The following DNAH14 variants were observed in gnomAD, a reference collection of about 807,000 sequenced individuals.
DNAH14 encodes dynein axonemal heavy chain 14.
Under a neutral mutation model 520.9 loss-of-function variants are expected in DNAH14, and 478 were observed. That is an observed-to-expected ratio of 0.92 (90% confidence interval 0.85 to 0.99). DNAH14 has a LOEUF of 0.99. Ranked by LOEUF, DNAH14 falls within the 50% of genes least tolerant of loss-of-function variation. The probability of loss-of-function intolerance (pLI) is 0.00; values close to 1 mark genes in which losing one functional copy is unlikely to be tolerated. For missense variants in DNAH14, 4,831 were observed against 5,234.5 expected, an observed-to-expected ratio of 0.92 and a Z score of 2.38; for synonymous variants, 1,581 against 1,757.2, an observed-to-expected ratio of 0.90 and a Z score of 2.51.
rs1378688845 is a variant in DNAH14 at position 225,024,294 on chromosome 1, A to T, written c.1358+429A>T. The T allele has an allele frequency of 4.1e-6, 4 of 974,100 alleles. No individual in the cohort carries two copies. In the African/African-American group the frequency reaches 7.0e-5, roughly 17 times the overall value. 60.3% of individuals were successfully genotyped at this position (974,100 alleles called of 1,614,324 possible). A position where few individuals can be genotyped will look rare whatever the true frequency, so the allele number is the denominator to read the frequency against. On this transcript the variant is annotated intron_variant, in intron 11 of 85. Coordinates refer to ENST00000682510, the MANE Select transcript of DNAH14 (RefSeq NM_001367479.1). Reference sequence around the variant, plus strand: ...GGAAGGAGCTACAAAGTCCAATTGGAATTTGAGTCAATTCCAAGAAATATC... The same window carrying T: ...GGAAGGAGCTACAAAGTCCAATTGGTATTTGAGTCAATTCCAAGAAATATC...
At chr1:225,140,002 T>G (rs546721655) in intron 27 of DNAH14, among the ~76,000 whole-genome samples, 1 of 152,374 alleles carries the variant, frequency 6.6e-6, no homozygotes, top group East Asian at 1.9e-4. Context: ...AACAAGTTTC[T>G]CATCCTGTAT....
intron 41 of DNAH14, among the ~76,000 whole-genome samples, chr1:225,222,845 A>T (rs1161076172): frequency 2.0e-5 from 3 of 152,178 alleles, no homozygotes; most frequent in African/African-American, 7.2e-5. Flanking sequence ...GGTTCCCAGA[A>T]GAGGGTACAC....
chr1:224,991,497 A>T (rs1460824562), intron 8 of DNAH14, among the ~76,000 whole-genome samples: 1 of 150,876 alleles, frequency 6.6e-6, no homozygotes, highest in African/African-American at 2.4e-5. Flanking sequence ...TATTTTTGAG[A>T]TGGAGTCTTG....
At chr1:225,154,938 A>AT (rs1436391242) in intron 34 of DNAH14, among the ~76,000 whole-genome samples, 4 of 152,066 alleles carry the variant, frequency 2.6e-5, no homozygotes, top group Non-Finnish European at 5.9e-5. Context: ...TTTTCTAGAC[A>AT]TTTGGGGAAA....
chr1:225,221,026 A>C (rs2090003392), intron 41 of DNAH14, among the ~76,000 whole-genome samples: 1 of 152,204 alleles, frequency 6.6e-6, no homozygotes, highest in Non-Finnish European at 1.5e-5. Flanking sequence ...CTGATCTTCG[A>C]GAAACTTGAC....
At chr1:225,312,506 C>CAT (rs2094388749) in intron 60 of DNAH14, among the ~76,000 whole-genome samples, 3 of 152,274 alleles carry the variant, frequency 2.0e-5, no homozygotes, top group African/African-American at 7.2e-5. Flanking sequence ...TGAGAGAAGG[C>CAT]ATCCTTGTCT....
chr1:225,160,993 A>C (rs2081459038), intron 35 of DNAH14, among the ~76,000 whole-genome samples: 1 of 152,150 alleles, frequency 6.6e-6, no homozygotes, highest in African/African-American at 2.4e-5. Flanking sequence ...TAAGCTTATA[A>C]GATTTTCAAA....
intron 9 of DNAH14, among the ~76,000 whole-genome samples, chr1:225,006,875 C>T (rs1412214409): frequency 2.0e-5 from 3 of 152,134 alleles, no homozygotes; most frequent in Non-Finnish European, 2.9e-5. Flanking sequence ...GCTGGTTTTG[C>T]GGCTCGGGGG....
chr1:225,029,720 G>T (rs1337214940), intron 11 of DNAH14, among the ~76,000 whole-genome samples: 1 of 151,932 alleles, frequency 6.6e-6, no homozygotes, highest in Non-Finnish European at 1.5e-5. Context: ...AAGAAGAAAG[G>T]GTGGTCAAGT....
At chr1:224,942,380 C>T (rs2059481849) in intron 1 of DNAH14, among the ~76,000 whole-genome samples, 1 of 152,172 alleles carries the variant, frequency 6.6e-6, no homozygotes, top group Non-Finnish European at 1.5e-5. Flanking sequence ...GCTGAAGTTG[C>T]CTATCAGCTT....
chr1:225,081,212 A>G (rs1336507578), intron 19 of DNAH14, among the ~76,000 whole-genome samples: 1 of 152,208 alleles, frequency 6.6e-6, no homozygotes, highest in African/African-American at 2.4e-5. Context: ...TATAAGATCA[A>G]ATCCTTTCCA....
At chr1:225,219,375 A>C (rs972915079) in intron 41 of DNAH14, among the ~76,000 whole-genome samples, 12 of 151,110 alleles carry the variant, frequency 7.9e-5, no homozygotes, top group Non-Finnish European at 5.9e-5. Context: ...CAGTGAATCC[A>C]GGAGCTGGTT....
rs898080308 is a variant in DNAH14, at chr1:225,023,608, A to G, written c.1108-7A>G. The G allele has an allele frequency of 2.7e-6, 4 of 1,505,290 alleles. No individual in the cohort carries two copies. The African/African-American group carries it at 5.6e-5, about 21-fold the overall frequency. The allele number at this position is 1,505,290 out of a possible 1,614,324, so 93.2% of individuals were successfully genotyped here. ...TACTTGTTTCTCAATTGTTTTTTAA[A>G]TTGTAGGTTGCAGAAAAGAATGAAA... On this transcript the variant is annotated splice_polypyrimidine_tract_variant and splice_region_variant and intron_variant, in intron 10 of 85. Coordinates refer to ENST00000682510, the MANE Select transcript of DNAH14 (RefSeq NM_001367479.1).
At chr1:225,171,192 A>G (rs1211083070) in intron 36 of DNAH14, among the ~76,000 whole-genome samples, 3 of 152,330 alleles carry the variant, frequency 2.0e-5, no homozygotes, top group African/African-American at 4.8e-5. Flanking sequence ...TGACACCCTA[A>G]CATCACAATT....
At chr1:225,129,844 T>TGCACA (rs1204943071) in intron 27 of DNAH14, among the ~76,000 whole-genome samples, 2 of 151,286 alleles carry the variant, frequency 1.3e-5, no homozygotes, top group African/African-American at 2.4e-5. Flanking sequence ...AAAGAGCTTC[T>TGCACA]GCACAGCAAA....
intron 9 of DNAH14, among the ~76,000 whole-genome samples, chr1:225,003,621 G>T (rs986286728): frequency 1.3e-5 from 2 of 152,050 alleles, no homozygotes; most frequent in Non-Finnish European, 2.9e-5. Context: ...AATTGATTAT[G>T]TGTAATGACA....
chr1:225,353,174 T>C (rs1010136307), intron 72 of DNAH14, among the ~76,000 whole-genome samples: 1 of 151,966 alleles, frequency 6.6e-6, no homozygotes, highest in Non-Finnish European at 1.5e-5. Context: ...GAAAATACCA[T>C]AGAAATAAGA....
rs1255831723 is a variant in DNAH14, at chr1:225,167,963, CA to C, written c.5472del (p.Gln1824HisfsTer27). On this transcript the variant is annotated frameshift_variant, in exon 36 of 86. Transcript: ENST00000682510. LOFTEE classifies it high-confidence loss of function. ...LEKVIYTATQ[Q>X]LGLQNWSSQK... Reference sequence around the variant, plus strand: ...GAAAGTAATATATACTGCAACTCAGCAATTGGGTTTACAAAACTGGTCATCT... The same window carrying C: ...GAAAGTAATATATACTGCAACTCAGCATTGGGTTTACAAAACTGGTCATCT... The C allele has an allele frequency of 5.9e-6, 9 of 1,532,668 alleles. No individual in the cohort carries two copies. The highest frequency in any genetic ancestry group is 7.9e-6 in the Non-Finnish European group (9 of 1,137,886). 94.9% of individuals were successfully genotyped at this position (1,532,668 alleles called of 1,614,324 possible).
chr1:225,008,970 G>A (rs561609476), intron 10 of DNAH14, among the ~76,000 whole-genome samples: 462 of 152,048 alleles, frequency 3.0e-3, no homozygotes, highest in South Asian at 5.0e-3. Flanking sequence ...GTTTTTTCTC[G>A]TAAATTTGTT....
Sources: gnomAD v4.1 joint callset for allele counts (sites outside exome capture counted in the v4.1 genomes callset) on GRCh38, gnomAD v4.1.1 for gene constraint, MANE v1.5 for transcripts, NCBI Gene and HGNC (gene_info 2026-07-23, HGNC 2026-07-21) for gene names.